The following CDH13 variants were observed in gnomAD, a reference collection of about 807,000 sequenced individuals.
CDH13 encodes cadherin 13.
Under a neutral mutation model 63.8 loss-of-function variants are expected in CDH13, and 24 were observed. That is an observed-to-expected ratio of 0.38 (90% confidence interval 0.27 to 0.53). CDH13 has a LOEUF of 0.53. Ranked by LOEUF, CDH13 falls within the 20% of genes least tolerant of loss-of-function variation. CDH13 has a pLI of 0.85. For synonymous variants in CDH13, 503 were observed against 355.3 expected, an observed-to-expected ratio of 1.42 and a Z score of -4.67; for missense variants, 1,049 against 903.1, an observed-to-expected ratio of 1.16 and a Z score of -2.07.
At chr16:83,624,346 C>A (rs1198027793) in intron 8 of CDH13, among the ~76,000 whole-genome samples, 1 of 151,522 alleles carries the variant, frequency 6.6e-6, no homozygotes, top group Non-Finnish European at 1.5e-5. Context: ...ACGCCCCCAC[C>A]CCTGCCCCAG....
At position 83,795,752 on chromosome 16, in the gene CDH13, G is replaced by C. The variant is rs1223705344; in HGVS notation, c.*722G>C. 1 of 152,494 alleles carries C rather than the reference G, an allele frequency of 6.6e-6. No individual in the cohort carries two copies. The highest frequency in any genetic ancestry group is 2.4e-5 in the African/African-American group (1 of 41,462). The allele number at this position is 152,494 out of a possible 1,614,324, so 9.4% of individuals were successfully genotyped here. ...TCCTGAGCCAAGGAGGTGAGGAGCA[G>C]AGCAGGCAATTTCACCACCAAATGC... On this transcript the variant is annotated 3_prime_UTR_variant, in exon 14 of 14. Coordinates refer to ENST00000567109, the MANE Select transcript of CDH13 (RefSeq NM_001257.5).
intron 6 of CDH13, among the ~76,000 whole-genome samples, chr16:83,399,744 C>T (rs766028958): frequency 1.3e-5 from 2 of 152,162 alleles, no homozygotes; most frequent in South Asian, 4.1e-4. Flanking sequence ...AACTAAACCA[C>T]GCTAGACTCT....
intron 3 of CDH13, among the ~76,000 whole-genome samples, chr16:83,055,278 CA>C (rs1052363029): frequency 2.6e-5 from 4 of 151,142 alleles, no homozygotes; most frequent in Non-Finnish European, 5.9e-5. Context: ...AACAAAAATA[CA>C]ATTTATAACA....
At chr16:83,574,572 C>T (rs191717208) in intron 7 of CDH13, among the ~76,000 whole-genome samples, 1 of 152,326 alleles carries the variant, frequency 6.6e-6, no homozygotes, top group East Asian at 1.9e-4. Context: ...CAACCACACA[C>T]CTGTGAGTCA....
At chr16:83,513,453 A>T (rs754865629) in intron 7 of CDH13, among the ~76,000 whole-genome samples, 7 of 152,228 alleles carry the variant, frequency 4.6e-5, no homozygotes, top group Non-Finnish European at 8.8e-5. Context: ...TCATGCTGCT[A>T]TAAAGACTTA....
At chr16:82,925,916 G>T (rs933751852) in intron 2 of CDH13, 1 of 151,846 alleles carries the variant, frequency 6.6e-6, no homozygotes, top group Non-Finnish European at 1.5e-5. Flanking sequence ...CTTTTGTTAG[G>T]TAATAATGAG....
chr16:82,654,140 G>A (rs563370121), intron 1 of CDH13, among the ~76,000 whole-genome samples: 1 of 152,168 alleles, frequency 6.6e-6, no homozygotes, highest in Non-Finnish European at 1.5e-5. Context: ...ACCAGCCAGT[G>A]GGGGAGGTCC....
At chr16:83,040,386 T>C (rs1287300586) in intron 3 of CDH13, among the ~76,000 whole-genome samples, 1 of 152,186 alleles carries the variant, frequency 6.6e-6, no homozygotes, top group Non-Finnish European at 1.5e-5. Context: ...AGGAAGTCAG[T>C]CTGAGTCACA....
At chr16:83,222,431 T>C (rs2039725435) in intron 5 of CDH13, among the ~76,000 whole-genome samples, 1 of 152,220 alleles carries the variant, frequency 6.6e-6, no homozygotes, top group African/African-American at 2.4e-5. Flanking sequence ...CATGCGGAAA[T>C]AGGTGTATCA....
chr16:82,838,461 G>A (rs1305459780), intron 1 of CDH13, among the ~76,000 whole-genome samples: 1 of 152,126 alleles, frequency 6.6e-6, no homozygotes, highest in Non-Finnish European at 1.5e-5. Flanking sequence ...CACCCTTCCT[G>A]TTTATTGACT....
At chr16:83,276,547 G>GC in intron 5 of CDH13, among the ~76,000 whole-genome samples, 1 of 152,166 alleles carries the variant, frequency 6.6e-6, no homozygotes, top group Non-Finnish European at 1.5e-5. Flanking sequence ...GGCTGGGGAG[G>GC]CCTCACAGTC....
chr16:83,332,946 A>G (rs2090509628), intron 5 of CDH13, among the ~76,000 whole-genome samples: 1 of 152,250 alleles, frequency 6.6e-6, no homozygotes, highest in Non-Finnish European at 1.5e-5. Flanking sequence ...TCAAATTCAT[A>G]AAGGAAATAC....
At chr16:83,164,911 C>G (rs1389829003) in intron 4 of CDH13, among the ~76,000 whole-genome samples, 1 of 151,700 alleles carries the variant, frequency 6.6e-6, no homozygotes, top group Non-Finnish European at 1.5e-5. Flanking sequence ...AACACTAATG[C>G]TTGGAGAGTT....
rs369916041 is a variant in CDH13 at position 83,032,148 on chromosome 16, G to T, written c.296G>T (p.Arg99Leu). 1 of 1,613,614 alleles carries T rather than the reference G, an allele frequency of 6.2e-7. No individual in the cohort carries two copies. The highest frequency in any genetic ancestry group is 8.5e-7 in the Non-Finnish European group (1 of 1,179,766). Residue 99 changes from arginine (R) to leucine (L), a missense_variant, in exon 3 of 14, where the codon CGG (arginine) becomes CTG (leucine). Arg to Leu is a moderately radical substitution (Grantham distance 102, BLOSUM62 -2). Coordinates refer to ENST00000567109, the MANE Select transcript of CDH13 (RefSeq NM_001257.5). ...AVGKTLFVHA[R>L]TPHAEDMAEL... ...GGCAAAACTCTGTTCGTCCATGCAC[G>T]GACCCCCCATGCGGAAGATATGGCA...
At chr16:83,733,476 G>A (rs1272448911) in intron 10 of CDH13, among the ~76,000 whole-genome samples, 2 of 152,172 alleles carry the variant, frequency 1.3e-5, no homozygotes, top group Non-Finnish European at 2.9e-5. Context: ...GCTAAGCACA[G>A]CTGCCTCTAA....
chr16:83,670,647 C>A, intron 8 of CDH13, 143 bp from the exon 9 acceptor site: 1 of 770,098 alleles, frequency 1.3e-6, no homozygotes, highest in Non-Finnish European at 2.1e-6. Context: ...AGAAGAAGAG[C>A]ATAGTATCTT....
intron 1 of CDH13, among the ~76,000 whole-genome samples, chr16:82,828,484 G>A (rs996418100): frequency 3.3e-5 from 5 of 152,086 alleles, no homozygotes; most frequent in African/African-American, 1.2e-4. Flanking sequence ...AGGAGTGTTG[G>A]CGGGCACCTG....
At chr16:83,029,626 C>A (rs1347601200) in intron 2 of CDH13, among the ~76,000 whole-genome samples, 2 of 152,110 alleles carry the variant, frequency 1.3e-5, no homozygotes, top group African/African-American at 4.8e-5. Context: ...GGAGAGAGTG[C>A]ATACTGTATG....
At chr16:83,665,742 C>G (rs781458703) in intron 8 of CDH13, among the ~76,000 whole-genome samples, 13 of 152,224 alleles carry the variant, frequency 8.5e-5, no homozygotes, top group Non-Finnish European at 1.8e-4. Context: ...GTCCTTTAAA[C>G]TTGTCCTCTG....
Sources: gnomAD v4.1 joint callset for allele counts (sites outside exome capture counted in the v4.1 genomes callset) on GRCh38, gnomAD v4.1.1 for gene constraint, MANE v1.5 for transcripts, NCBI Gene and HGNC (gene_info 2026-07-23, HGNC 2026-07-21) for gene names.